SCN2A: variants seen among roughly 807,000 people sequenced by gnomAD.
SCN2A encodes sodium voltage-gated channel alpha subunit 2, also known as sodium channel protein type 2 subunit alpha.
Under a neutral mutation model 188.7 loss-of-function variants are expected in SCN2A, and 20 were observed. That is an observed-to-expected ratio of 0.11 (90% CI 0.07 to 0.15). The LOEUF (loss-of-function observed/expected upper bound fraction) is 0.15. Ranked by LOEUF, SCN2A falls within the 10% of genes least tolerant of loss-of-function variation. SCN2A has a pLI of 1.00. For synonymous variants in SCN2A, 804 were observed against 833.1 expected (o/e 0.97, Z 0.60); for missense variants, 1,278 against 2,445.0 (o/e 0.52, Z 10.07).
At chr2:165,369,875 A>C (rs1314672850) in intron 19 of SCN2A, among the ~76,000 whole-genome samples, 1 of 152,186 alleles carries the variant, frequency 6.6e-6, no homozygotes, top group Non-Finnish European at 1.5e-5. Context: ...GCAGTCTCTC[A>C]AAAATTTTAA....
At position 165,296,184 on chromosome 2, in the gene SCN2A, C is replaced by T. The variant is rs961808349; in HGVS notation, c.267+94C>T. 5 of 1,214,590 alleles carry T rather than the reference C, an allele frequency of 4.1e-6. No individual in the cohort carries two copies. In the African/African-American group the frequency reaches 6.0e-5, roughly 15 times the overall value. The allele number at this position is 1,214,590 out of a possible 1,614,324, so 75.2% of individuals were successfully genotyped here. On this transcript the variant is annotated intron_variant, in intron 2 of 26. Transcript: ENST00000375437. Reference sequence around the variant, plus strand: ...TGGTGAAGAAGGCTGGCCTCCTTCCCTCTGTCTAAAGTATCACTAAGATGC... The same window carrying T: ...TGGTGAAGAAGGCTGGCCTCCTTCCTTCTGTCTAAAGTATCACTAAGATGC...
At chr2:165,246,174 A>G (rs1693837961) in intron 1 of SCN2A, among the ~76,000 whole-genome samples, 1 of 152,224 alleles carries the variant, frequency 6.6e-6, no homozygotes, top group South Asian at 2.1e-4. Context: ...ACATTTGGGT[A>G]TGCATCTTTT....
intron 25 of SCN2A, among the ~76,000 whole-genome samples, chr2:165,382,360 G>A (rs1157152244): frequency 6.6e-6 from 1 of 152,034 alleles, no homozygotes; most frequent in Non-Finnish European, 1.5e-5. Flanking sequence ...CTAGAGACTG[G>A]TGTGGAACAA....
At position 165,386,887 on chromosome 2, in the gene SCN2A, T is replaced by C; in HGVS notation, c.4693T>C (p.Trp1565Arg). Residue 1565 changes from tryptophan (W) to arginine (R), a missense_variant, in exon 26 of 27, where the codon TGG becomes CGG. Physicochemically the swap from Trp to Arg is moderately radical, Grantham distance 101. Coordinates refer to ENST00000375437, the MANE Select transcript of SCN2A (RefSeq NM_001040142.2). ...TCAAGAAATGACAAACATTCTGTAC[T>C]GGATTAATCTGGTGTTTATTGTTCT... is the stretch of plus-strand genomic sequence containing the variant. ...QSQEMTNILY[W>R]INLVFIVLFT... 6.2e-7 allele frequency: 1 copy of C among 1,613,994 alleles called. No individual in the cohort carries two copies. Among genetic ancestry groups the C allele is most frequent in the Non-Finnish European group, 8.5e-7 (1 of 1,179,946 alleles).
chr2:165,291,055 T>G (rs1463117703), intron 1 of SCN2A, among the ~76,000 whole-genome samples: 1 of 141,138 alleles, frequency 7.1e-6, no homozygotes, highest in African/African-American at 2.7e-5. Context: ...TTTTTTTTTT[T>G]TTTTGAGACT....
intron 26 of SCN2A, among the ~76,000 whole-genome samples, chr2:165,387,916 A>G (rs1701955614): frequency 1.3e-5 from 2 of 152,130 alleles, no homozygotes; most frequent in South Asian, 2.1e-4. Flanking sequence ...TATTTACACT[A>G]CTTACCTTCT....
intron 7 of SCN2A, among the ~76,000 whole-genome samples, chr2:165,311,038 C>A (rs772692757): frequency 8.6e-5 from 13 of 151,956 alleles, no homozygotes; most frequent in Non-Finnish European, 1.9e-4. Flanking sequence ...ATAGAGAAAC[C>A]ATTTATCAAG....
chr2:165,354,349 A>G lies in SCN2A; in HGVS notation c.3077A>G (p.Gln1026Arg). Residue 1026 changes from glutamine (Q) to arginine (R), a missense_variant, in exon 17 of 27, where the codon CAG becomes CGG. This residue lies in a region of SCN2A where 228 missense variants were observed against 297.3 expected (regional missense o/e 0.77). Coordinates refer to ENST00000375437, the MANE Select transcript of SCN2A (RefSeq NM_001040142.2). The part of the protein sequence containing the change: ...FVKRKIREFI[Q>R]KAFVRKQKAL... ...AAAAGAAAAATACGTGAATTTATTCAGAAAGCCTTTGTTAGGAAGCAGAAA... is the reference window on the plus strand; with the variant it reads ...AAAAGAAAAATACGTGAATTTATTCGGAAAGCCTTTGTTAGGAAGCAGAAA... 6.2e-7 allele frequency: 1 copy of G among 1,614,138 alleles called. No homozygotes were observed. Among genetic ancestry groups the G allele is most frequent in the Non-Finnish European group, 8.5e-7 (1 of 1,179,980 alleles).
At chr2:165,287,981 AC>A (rs1307686078) in intron 1 of SCN2A, among the ~76,000 whole-genome samples, 1 of 152,220 alleles carries the variant, frequency 6.6e-6, no homozygotes, top group East Asian at 1.9e-4. Context: ...TACAGAAAAT[AC>A]AGTACCATGT....
Position 165,344,481 on chromosome 2 carries a change from AAT to A in SCN2A, c.2563-72_2563-71del. The A allele has an allele frequency of 5.4e-6, 5 of 930,670 alleles. No homozygotes were observed. The South Asian group carries it at 1.8e-4, about 34-fold the overall frequency. 57.7% of individuals were successfully genotyped at this position (930,670 alleles called of 1,614,324 possible). A position where few individuals can be genotyped will look rare whatever the true frequency, so the allele number is the denominator to read the frequency against. On this transcript the variant is annotated intron_variant, in intron 15 of 26. Coordinates refer to ENST00000375437, the MANE Select transcript of SCN2A (RefSeq NM_001040142.2). ...ATAAAATAAAAATAAAAAATAAAAA[AAT>A]AAAAATAAAATAAAATTGCAGATTT... is the stretch of plus-strand genomic sequence containing the variant.
chr2:165,275,507 G>T (rs1210330810), intron 1 of SCN2A, among the ~76,000 whole-genome samples: 3 of 152,184 alleles, frequency 2.0e-5, no homozygotes, highest in East Asian at 3.9e-4. Flanking sequence ...TTGTCTGTTT[G>T]GTTCATTACT....
chr2:165,376,344 T>C (rs1701312674), intron 22 of SCN2A, among the ~76,000 whole-genome samples: 1 of 151,926 alleles, frequency 6.6e-6, no homozygotes, highest in South Asian at 2.1e-4. Context: ...GAATATATTT[T>C]TGAAAAGCAA....
At chr2:165,364,871 C>T (rs1700642016) in intron 17 of SCN2A, among the ~76,000 whole-genome samples, 2 of 152,102 alleles carry the variant, frequency 1.3e-5, no homozygotes. Context: ...AAGCTTTCTG[C>T]AGGATTTTCT....
At position 165,295,809 on chromosome 2, in the gene SCN2A, G is replaced by A. The variant is rs1696473762; in HGVS notation, c.-15G>A. On this transcript the variant is annotated 5_prime_UTR_variant, in exon 2 of 27. Coordinates refer to ENST00000375437, the MANE Select transcript of SCN2A (RefSeq NM_001040142.2). ...GCAAGGAGCTAAACAGTGATTAAAG[G>A]AGCAGGATGAAAAGATGGCACAGTC... 5 of 1,613,872 alleles carry A rather than the reference G, an allele frequency of 3.1e-6. No homozygotes were observed. The highest frequency in any genetic ancestry group is 1.1e-5 in the South Asian group (1 of 91,046).
intron 1 of SCN2A, among the ~76,000 whole-genome samples, chr2:165,279,560 A>G (rs1234689824): frequency 6.6e-6 from 1 of 152,094 alleles, no homozygotes; most frequent in East Asian, 1.9e-4. Flanking sequence ...TAAAAATATT[A>G]TATTAGTAAT....
intron 20 of SCN2A, chr2:165,372,963 A>G (rs926644829): frequency 1.0e-5 from 3 of 288,852 alleles, no homozygotes; most frequent in African/African-American, 6.5e-5. Flanking sequence ...GAAAAAGAGC[A>G]CATATATGGG....
chr2:165,335,489 A>G (rs1285454600), intron 14 of SCN2A, among the ~76,000 whole-genome samples: 1 of 151,772 alleles, frequency 6.6e-6, no homozygotes, highest in East Asian at 1.9e-4. Context: ...AGACCACTAG[A>G]CAATTTTATT....
At chr2:165,350,889 T>G (rs1435110907) in intron 16 of SCN2A, among the ~76,000 whole-genome samples, 1 of 152,092 alleles carries the variant, frequency 6.6e-6, no homozygotes, top group East Asian at 1.9e-4. Flanking sequence ...CACAAATATT[T>G]CTAGGGAAAT....
intron 16 of SCN2A, among the ~76,000 whole-genome samples, chr2:165,351,871 GTTT>G (rs3030633): frequency 3.7e-5 from 5 of 135,846 alleles, no homozygotes; most frequent in Non-Finnish European, 6.3e-5. Flanking sequence ...AGCTGTGCTT[GTTT>G]TTTTTTTTTT....
Sources: gnomAD v4.1 joint callset for allele counts (sites outside exome capture counted in the v4.1 genomes callset) on GRCh38, gnomAD v4.1.1 for gene constraint, gnomAD v4.1.1 regional missense constraint, MANE v1.5 for transcripts, NCBI Gene and HGNC (gene_info 2026-07-23, HGNC 2026-07-21) for gene names.